The following DPYSL3 variants were observed in gnomAD, a reference collection of about 807,000 sequenced individuals.
DPYSL3 encodes dihydropyrimidinase-related protein 3.
A neutral mutation model predicts 66.1 loss-of-function variants in DPYSL3; 16 were observed. The ratio of observed to expected loss-of-function variants is 0.24; its 90% CI spans 0.16 to 0.37. The LOEUF (loss-of-function observed/expected upper bound fraction) is 0.37, where lower values mean the gene tolerates loss of function less well. Among genes scored for constraint, DPYSL3 ranks in the 10% least tolerant of loss-of-function variants. The pLI, the probability that DPYSL3 is intolerant of heterozygous loss-of-function variation, is 1.00. For synonymous variants in DPYSL3, 338 were observed against 345.1 expected (o/e 0.98, Z 0.23); for missense variants, 738 against 916.2 (o/e 0.81, Z 2.51).
At chr5:147,448,969 T>C (rs569419923) in intron 1 of DPYSL3, among the ~76,000 whole-genome samples, 1 of 152,368 alleles carries the variant, frequency 6.6e-6, no homozygotes, top group Non-Finnish European at 1.5e-5. Context: ...ATTTTTCTTC[T>C]GTCTTTGACT....
chr5:147,455,396 C>T (rs1173987095), intron 1 of DPYSL3, among the ~76,000 whole-genome samples: 2 of 152,156 alleles, frequency 1.3e-5, no homozygotes, highest in East Asian at 3.9e-4. Flanking sequence ...TTCTGTGATA[C>T]TCTGCAAAGG....
At chr5:147,467,613 T>C (rs184320289) in intron 1 of DPYSL3, among the ~76,000 whole-genome samples, 128 of 152,332 alleles carry the variant, frequency 8.4e-4, no homozygotes, top group African/African-American at 2.9e-3. Context: ...AACCAAGTCT[T>C]CTTTTCAGTA....
intron 2 of DPYSL3, among the ~76,000 whole-genome samples, chr5:147,421,441 A>C (rs1581184746): frequency 6.6e-6 from 1 of 152,224 alleles, no homozygotes; most frequent in Non-Finnish European, 1.5e-5. Context: ...TGCCCCAAGT[A>C]ATTTATAGAT....
At position 147,414,717 on chromosome 5, in the gene DPYSL3, A is replaced by G. The variant is rs1432853; in HGVS notation, c.820+992T>C. On this transcript the variant is annotated intron_variant, in intron 4 of 13. Coordinates refer to ENST00000343218, the MANE Select transcript of DPYSL3 (RefSeq NM_001197294.2). ...TACAGAAAGAAGGAGTTAATCTCAC[A>G]TTCTGTGTCACCAAAGATTTTGCAG... Among the ~76,000 whole-genome samples the G allele has an allele frequency of 0.016, 2,455 of 152,270 alleles. 135 individuals are homozygous for G. The East Asian group carries it at 0.19, about 12-fold the overall frequency.
At chr5:147,457,418 A>AT (rs1206003762) in intron 1 of DPYSL3, among the ~76,000 whole-genome samples, 5 of 152,222 alleles carry the variant, frequency 3.3e-5, no homozygotes, top group Non-Finnish European at 5.9e-5. Flanking sequence ...GAATGTAAGA[A>AT]TTTTTTAAAA....
chr5:147,427,389 T>C (rs974322551), intron 1 of DPYSL3, among the ~76,000 whole-genome samples: 5 of 152,206 alleles, frequency 3.3e-5, no homozygotes, highest in African/African-American at 1.2e-4. Context: ...CTATTCCATA[T>C]TGGTTGAATG....
intron 1 of DPYSL3, among the ~76,000 whole-genome samples, chr5:147,485,407 C>T (rs1753314598): frequency 6.6e-6 from 1 of 152,174 alleles, no homozygotes; most frequent in South Asian, 2.1e-4. Flanking sequence ...AGGAGTACTT[C>T]CTCACAGCAA....
At chr5:147,411,813 C>T (rs948022147) in intron 6 of DPYSL3, among the ~76,000 whole-genome samples, 4 of 152,202 alleles carry the variant, frequency 2.6e-5, no homozygotes, top group Admixed American at 2.6e-4. Context: ...TGTTTTGGCT[C>T]ACTTCAATAG....
rs762162860 is a variant in DPYSL3, at chr5:147,394,060, C to T, written c.2030G>A (p.Arg677His). 6.3e-5 allele frequency: 102 copies of T among 1,614,068 alleles called. No individual in the cohort carries two copies. Among genetic ancestry groups the T allele is most frequent in the Non-Finnish European group, 1.8e-5 (21 of 1,180,044 alleles). The change falls in exon 14 of 14, where the codon CGT becomes CAT. Residue 677 changes from arginine to histidine, a missense_variant. Arg to His is a conservative substitution (Grantham distance 29, BLOSUM62 0). Transcript: ENST00000343218. The stretch of plus-strand genomic sequence containing the variant: ...TTAACTCAGAGATGTGATATTAGAA[C>T]GGCCGCCTGGGGGCGCCACGATGCG... The part of the protein sequence containing the change: ...SKRIVAPPGG[R>H]SNITSLS
At chr5:147,452,744 C>G (rs187205031) in intron 1 of DPYSL3, among the ~76,000 whole-genome samples, 134 of 152,230 alleles carry the variant, frequency 8.8e-4, no homozygotes, top group African/African-American at 3.1e-3. Flanking sequence ...GCGGTGTCTC[C>G]GTCTTGCACA....
rs758336102 is a variant in DPYSL3 at position 147,401,504 on chromosome 5, C to T, written c.1310+36G>A. ...CCCAGCTGGACTCAAGAGATGTTTT[C>T]ACAAAACGCCTGCTGCTGGGCATTC... On this transcript the variant is annotated intron_variant, in intron 9 of 13. Coordinates refer to ENST00000343218, the MANE Select transcript of DPYSL3 (RefSeq NM_001197294.2). The T allele has an allele frequency of 5.7e-6, 9 of 1,578,940 alleles. No individual in the cohort carries two copies. In the East Asian group the frequency reaches 6.8e-5, roughly 12 times the overall value.
At position 147,477,561 on chromosome 5, in the gene DPYSL3, C is replaced by CT. The variant is rs56406515; in HGVS notation, c.381+31916dup. ...GAAGGAAAAATAAAAACACCTAAAT[C>CT]TTTTTTTTTTTTTTTTTTTTTTTTT... On this transcript the variant is annotated intron_variant, in intron 1 of 13. Coordinates refer to ENST00000343218, the MANE Select transcript of DPYSL3 (RefSeq NM_001197294.2). 4.3e-3 allele frequency among the ~76,000 whole-genome samples: 281 copies of CT among 64,748 alleles called. 18 individuals carry two copies. The highest frequency in any genetic ancestry group is 8.6e-3 in the East Asian group (19 of 2,220). 42.5% of individuals were successfully genotyped at this position (64,748 alleles called of 152,430 possible).
chr5:147,457,320 T>A (rs1175719805), intron 1 of DPYSL3, among the ~76,000 whole-genome samples: 2 of 152,154 alleles, frequency 1.3e-5, no homozygotes, highest in African/African-American at 4.8e-5. Context: ...TATAAGCTAT[T>A]TGAGGGTATG....
At chr5:147,434,457 GC>G (rs1470302126) in intron 1 of DPYSL3, among the ~76,000 whole-genome samples, 1 of 152,188 alleles carries the variant, frequency 6.6e-6, no homozygotes, top group African/African-American at 2.4e-5. Flanking sequence ...TGTCCCTTGA[GC>G]CCCTGGGCCT....
chr5:147,449,168 T>G (rs1752681753), intron 1 of DPYSL3, among the ~76,000 whole-genome samples: 1 of 152,196 alleles, frequency 6.6e-6, no homozygotes, highest in South Asian at 2.1e-4. Flanking sequence ...CTTCTAGCTC[T>G]AGTCTAGTTC....
At chr5:147,486,342 C>T (rs1337067196) in intron 1 of DPYSL3, among the ~76,000 whole-genome samples, 1 of 152,164 alleles carries the variant, frequency 6.6e-6, no homozygotes, top group African/African-American at 2.4e-5. Flanking sequence ...TTTTAAAAAG[C>T]AATGCCTGGC....
At chr5:147,502,408 C>T (rs1265707370) in intron 1 of DPYSL3, among the ~76,000 whole-genome samples, 2 of 151,172 alleles carry the variant, frequency 1.3e-5, no homozygotes. Flanking sequence ...CACATATACA[C>T]ACAGATGGGA....
At chr5:147,415,686 G>C (rs1419335840) in intron 4 of DPYSL3, 23 bp downstream of exon 4, 1 of 1,609,290 alleles carries the variant, frequency 6.2e-7, no homozygotes, top group Admixed American at 1.7e-5. Flanking sequence ...AGAGAGGAGG[G>C]AGGACGGCAT....
In DPYSL3 at chr5:147,393,968, C is replaced by A; in HGVS notation, c.*67G>T. The A allele has an allele frequency of 6.7e-7, 1 of 1,482,742 alleles. No homozygotes were observed. The highest frequency in any genetic ancestry group is 9.4e-7 in the Non-Finnish European group (1 of 1,064,434). 91.8% of individuals were successfully genotyped at this position (1,482,742 alleles called of 1,614,324 possible). A position where few individuals can be genotyped will look rare whatever the true frequency, so the allele number is the denominator to read the frequency against. Reference sequence around the variant, plus strand: ...TGGATTCGCTTTCCTTCTTAAATATCGGTGTACCATTTTGGCTTCAAAACA... The same window carrying A: ...TGGATTCGCTTTCCTTCTTAAATATAGGTGTACCATTTTGGCTTCAAAACA... On this transcript the variant is annotated 3_prime_UTR_variant, in exon 14 of 14. Coordinates refer to ENST00000343218, the MANE Select transcript of DPYSL3 (RefSeq NM_001197294.2).
Sources: gnomAD v4.1 joint callset for allele counts (sites outside exome capture counted in the v4.1 genomes callset) on GRCh38, gnomAD v4.1.1 for gene constraint, MANE v1.5 for transcripts, NCBI Gene and HGNC (gene_info 2026-07-23, HGNC 2026-07-21) for gene names.